BAIAP2L1: variants seen among roughly 807,000 people sequenced by gnomAD.
BAIAP2L1 encodes BAR/IMD domain containing adaptor protein 2 like 1.
BAIAP2L1 carries 35 observed loss-of-function variants against 66.3 expected under a neutral mutation model. That is an observed-to-expected ratio of 0.53 (90% CI 0.40 to 0.70). The LOEUF (loss-of-function observed/expected upper bound fraction) is 0.70, where lower values mean the gene tolerates loss of function less well. Ranked by LOEUF, BAIAP2L1 falls within the 30% of genes least tolerant of loss-of-function variation. The pLI is 0.00. For missense variants in BAIAP2L1, 622 were observed against 656.9 expected (o/e 0.95, Z 0.58); for synonymous variants, 269 against 248.7 (o/e 1.08, Z -0.77).
chr7:98,355,424 G>C, intron 2 of BAIAP2L1: 1 of 411,258 alleles, frequency 2.4e-6, no homozygotes, highest in Non-Finnish European at 4.6e-6. Context: ...TTTCAGAGTG[G>C]ATGCGTTCCT....
chr7:98,323,312 T>C (rs897784964), intron 3 of BAIAP2L1: 2 of 152,148 alleles, frequency 1.3e-5, no homozygotes, highest in Admixed American at 6.6e-5. Context: ...CAATTCCTCA[T>C]TGGGGATGAA....
intron 1 of BAIAP2L1, among the ~76,000 whole-genome samples, chr7:98,368,109 T>C (rs1394707225): frequency 3.3e-5 from 5 of 152,086 alleles, no homozygotes. Flanking sequence ...ATTCTGTCAT[T>C]GTGAGAATGT....
In BAIAP2L1 at chr7:98,382,906, T is replaced by A. The variant is rs147860899; in HGVS notation, c.51+17896A>T. The stretch of plus-strand genomic sequence containing the variant: ...AATACCAGTATCCACGTTTGCTTTG[T>A]TCTTAGAGGTACATGTTCTTATTTG... On this transcript the variant is annotated intron_variant, in intron 1 of 13. Coordinates refer to ENST00000005260, the MANE Select transcript of BAIAP2L1 (RefSeq NM_018842.5). 2.0e-3 allele frequency among the ~76,000 whole-genome samples: 308 copies of A among 152,298 alleles called. 1 individual carries two copies. The highest frequency in any genetic ancestry group is 3.2e-3 in the Non-Finnish European group (218 of 68,024).
In BAIAP2L1 at chr7:98,312,216, C is replaced by T. The variant is rs1234399259; in HGVS notation, c.688G>A (p.Val230Ile). The change falls in exon 8 of 14, where the codon GTT (valine) becomes ATT (isoleucine). Residue 230 changes from valine (V) to isoleucine (I), a missense_variant. Physicochemically the swap from Val to Ile is conservative, Grantham distance 29. Transcript: ENST00000005260. ...SKLPRWQETCVDAIKVPEKIM... is the reference protein window; with the variant it reads ...SKLPRWQETCIDAIKVPEKIM... ...TTCTCTGGCACTTTGATGGCATCAA[C>T]ACAGGTCTCCTGCCACCGAGGCAGC... 1 of 1,614,042 alleles carries T rather than the reference C, an allele frequency of 6.2e-7. No homozygotes were observed. The highest frequency in any genetic ancestry group is 2.2e-5 in the East Asian group (1 of 44,866).
intron 1 of BAIAP2L1, among the ~76,000 whole-genome samples, chr7:98,377,968 A>G (rs770340348): frequency 1.3e-4 from 7 of 51,948 alleles, no homozygotes; most frequent in Admixed American, 4.1e-4. Context: ...CATCTCTACT[A>G]AAAAAAAAAA....
chr7:98,292,827 C>G lies in BAIAP2L1; in HGVS notation c.*694G>C. The G allele has an allele frequency of 6.8e-7, 1 of 1,478,358 alleles. No homozygotes were observed. The highest frequency in any genetic ancestry group is 2.5e-5 in the East Asian group (1 of 39,676). 91.6% of individuals were successfully genotyped at this position (1,478,358 alleles called of 1,614,324 possible). ...GCCTGTGTCCTGGATGGGCCGTGTGCAGCGAATCCGTTGGCGACTCCTAAC... is the reference window on the plus strand; with the variant it reads ...GCCTGTGTCCTGGATGGGCCGTGTGGAGCGAATCCGTTGGCGACTCCTAAC... On this transcript the variant is annotated 3_prime_UTR_variant, in exon 14 of 14. Coordinates refer to ENST00000005260, the MANE Select transcript of BAIAP2L1 (RefSeq NM_018842.5).
chr7:98,335,136 G>C (rs1412189558), intron 3 of BAIAP2L1, among the ~76,000 whole-genome samples: 1 of 117,042 alleles, frequency 8.5e-6, no homozygotes, highest in Non-Finnish European at 1.6e-5. Flanking sequence ...CTGGGTGACA[G>C]AGCAAGACTC....
At chr7:98,339,968 C>T (rs1030801580) in intron 3 of BAIAP2L1, among the ~76,000 whole-genome samples, 12 of 152,302 alleles carry the variant, frequency 7.9e-5, no homozygotes, top group African/African-American at 1.2e-4. Context: ...CCTTGGCCAG[C>T]GGTCCTTTGG....
In BAIAP2L1 at chr7:98,307,831, T is replaced by G. The variant is rs753179786; in HGVS notation, c.1021A>C (p.Lys341Gln). The G allele has an allele frequency of 1.7e-5, 28 of 1,614,236 alleles. No homozygotes were observed. The Admixed American group carries it at 3.8e-4, about 22-fold the overall frequency. The change falls in exon 10 of 14, where the codon AAG (lysine) becomes CAG (glutamine). Residue 341 changes from lysine to glutamine, a missense_variant. Physicochemically the swap from Lys to Gln is moderately conservative, Grantham distance 53. Coordinates refer to ENST00000005260, the MANE Select transcript of BAIAP2L1 (RefSeq NM_018842.5). ...GGGAAGATGGTCTTCACTTTCTGCT[T>G]CTTCATCATGTTCAGTCCCGTTGCA... Reference protein sequence around the residue: ...SVATGLNMMKKQKVKTIFPHT... With the variant: ...SVATGLNMMKQQKVKTIFPHT...
intron 3 of BAIAP2L1, among the ~76,000 whole-genome samples, chr7:98,346,649 G>A (rs1320433663): frequency 1.3e-5 from 2 of 152,170 alleles, no homozygotes; most frequent in African/African-American, 2.4e-5. Context: ...GTCTGCTATT[G>A]GTGCAAGGAC....
rs562416387 is a variant in BAIAP2L1 at position 98,310,953 on chromosome 7, T to G, written c.808-361A>C. On this transcript the variant is annotated intron_variant, in intron 8 of 13. Coordinates refer to ENST00000005260, the MANE Select transcript of BAIAP2L1 (RefSeq NM_018842.5). ...TGCCCGCCTAGGCCTCCCAAAGTGCTGGGATTACAGGTGTGAGCCACCATG... is the reference window on the plus strand; with the variant it reads ...TGCCCGCCTAGGCCTCCCAAAGTGCGGGGATTACAGGTGTGAGCCACCATG... Among the ~76,000 whole-genome samples, 14 of 152,230 alleles carry G rather than the reference T, an allele frequency of 9.2e-5. 1 individual carries two copies. The highest frequency in any genetic ancestry group is 3.4e-4 in the African/African-American group (14 of 41,564).
chr7:98,362,401 C>T lies in BAIAP2L1; in HGVS notation c.83G>A (p.Arg28Gln), dbSNP rs368033137. 40 of 1,612,994 alleles carry T rather than the reference C, an allele frequency of 2.5e-5. No homozygotes were observed. The African/African-American group carries it at 4.3e-4, about 17-fold the overall frequency. ...ATTTTTCCCCAGGTTTATTAAATTT[C>T]GCAGCCCAGGATTGAACTGTTCCAT... ...NVMEQFNPGL[R>Q]NLINLGKNYE... The change falls in exon 2 of 14, where the codon CGA becomes CAA. Residue 28 changes from arginine (R) to glutamine (Q), a missense_variant. Transcript: ENST00000005260.
chr7:98,305,151 A>G (rs1242474268), intron 11 of BAIAP2L1, among the ~76,000 whole-genome samples: 1 of 143,172 alleles, frequency 7.0e-6, no homozygotes, highest in Admixed American at 7.5e-5. Flanking sequence ...TCGGCCTCCC[A>G]AAGTGCTGGG....
chr7:98,371,666 A>C (rs1802512897), intron 1 of BAIAP2L1, among the ~76,000 whole-genome samples: 2 of 152,208 alleles, frequency 1.3e-5, no homozygotes, highest in Non-Finnish European at 2.9e-5. Context: ...ATTTTCAAAG[A>C]ATTACCAGTA....
At chr7:98,389,933 T>TTTTTTTTTTTTTGG (rs71292947) in intron 1 of BAIAP2L1, among the ~76,000 whole-genome samples, 1 of 150,732 alleles carries the variant, frequency 6.6e-6, no homozygotes, top group Admixed American at 6.7e-5. Context: ...TTTTTTTTTT[T>TTTTTTTTTTTTTGG]GAGAGGTAGT....
chr7:98,333,935 G>A (rs958021331), intron 3 of BAIAP2L1, among the ~76,000 whole-genome samples: 19 of 151,930 alleles, frequency 1.3e-4, no homozygotes, highest in African/African-American at 4.6e-4. Context: ...TGTAAAAAGA[G>A]GCATTTAAAA....
At position 98,382,746 on chromosome 7, in the gene BAIAP2L1, C is replaced by T. The variant is rs562529074; in HGVS notation, c.51+18056G>A. The stretch of plus-strand genomic sequence containing the variant: ...ACTTTGGAACAATGTCTCGTCCACA[C>T]CGGCCTCCATCAGATGAGGGATTGT... On this transcript the variant is annotated intron_variant, in intron 1 of 13. Coordinates refer to ENST00000005260, the MANE Select transcript of BAIAP2L1 (RefSeq NM_018842.5). Among the ~76,000 whole-genome samples the T allele has an allele frequency of 7.2e-5, 11 of 152,258 alleles. 1 individual carries two copies. In the South Asian group the frequency reaches 2.3e-3, roughly 32 times the overall value.
chr7:98,355,405 T>C (rs1234408047), intron 2 of BAIAP2L1: 3 of 457,294 alleles, frequency 6.6e-6, no homozygotes, highest in Non-Finnish European at 1.2e-5. Flanking sequence ...AGCTTGCTCC[T>C]GATGCCAGTT....
intron 1 of BAIAP2L1, among the ~76,000 whole-genome samples, chr7:98,367,058 A>AT (rs71292948): frequency 0.031 from 4,484 of 144,418 alleles, 176 homozygotes; most frequent in African/African-American, 0.094. Flanking sequence ...AGGTAATTAA[A>AT]TTTTTTTTTT....
Sources: gnomAD v4.1 joint callset for allele counts (sites outside exome capture counted in the v4.1 genomes callset) on GRCh38, gnomAD v4.1.1 for gene constraint, MANE v1.5 for transcripts, NCBI Gene and HGNC (gene_info 2026-07-23, HGNC 2026-07-21) for gene names.